The following HMCN1 variants were observed in gnomAD, a reference collection of about 807,000 sequenced individuals.
HMCN1 encodes hemicentin-1.
A neutral mutation model predicts 625.9 loss-of-function variants in HMCN1; 321 were observed. The ratio of observed to expected loss-of-function variants is 0.51; its 90% confidence interval spans 0.47 to 0.56. HMCN1 has a LOEUF of 0.56. HMCN1 is among the 20% of genes least tolerant of loss of function. HMCN1 has a pLI of 0.00. For missense variants in HMCN1, 6,588 were observed against 6,887.3 expected (o/e 0.96, Z 1.54); for synonymous variants, 2,425 against 2,417.6 (o/e 1.00, Z -0.09).
intron 69 of HMCN1, among the ~76,000 whole-genome samples, chr1:186,105,972 G>A (rs2102450596): frequency 6.6e-6 from 1 of 152,294 alleles, no homozygotes; most frequent in Non-Finnish European, 1.5e-5. Flanking sequence ...AACGATGTAA[G>A]TGTTGTTCTT....
At chr1:185,920,015 C>T (rs778993973) in intron 6 of HMCN1, among the ~76,000 whole-genome samples, 33 of 152,220 alleles carry the variant, frequency 2.2e-4, no homozygotes, top group Middle Eastern at 3.4e-3. Context: ...GGAGCTTAGA[C>T]AAGAAAGAGG....
At chr1:186,112,708 C>G in intron 71 of HMCN1, 104 bp from the exon 72 acceptor site, 1 of 1,358,926 alleles carries the variant, frequency 7.4e-7, no homozygotes, top group Non-Finnish European at 1.0e-6. Context: ...TGCTGACAGA[C>G]AGCAGGTCCA....
chr1:186,086,444 C>A (rs1186848441), intron 58 of HMCN1, 37 bp downstream of exon 58: 2 of 1,596,640 alleles, frequency 1.3e-6, no homozygotes, highest in Admixed American at 1.7e-5. Context: ...GCAAAATTTT[C>A]TCATCTTTAT....
chr1:185,753,685 C>T (rs1335816533), intron 1 of HMCN1, among the ~76,000 whole-genome samples: 2 of 152,100 alleles, frequency 1.3e-5, no homozygotes, highest in Non-Finnish European at 2.9e-5. Flanking sequence ...CTACTTTAAA[C>T]ATTTCTTATT....
At chr1:185,814,866 A>G (rs1325390015) in intron 1 of HMCN1, among the ~76,000 whole-genome samples, 3 of 149,132 alleles carry the variant, frequency 2.0e-5, no homozygotes, top group African/African-American at 7.7e-5. Flanking sequence ...TAATTTTTGT[A>G]TTTTTAGTAG....
chr1:186,167,492 A>G (rs1037095328), intron 100 of HMCN1, among the ~76,000 whole-genome samples: 4 of 152,174 alleles, frequency 2.6e-5, no homozygotes, highest in African/African-American at 9.7e-5. Context: ...CTGACACATC[A>G]TTATCACTCA....
intron 103 of HMCN1, among the ~76,000 whole-genome samples, chr1:186,175,300 A>G (rs924117895): frequency 2.6e-5 from 4 of 152,224 alleles, no homozygotes; most frequent in African/African-American, 9.6e-5. Flanking sequence ...AGAATATTCA[A>G]TTGCACTAAA....
At position 186,016,116 on chromosome 1, in the gene HMCN1, A is replaced by T. The variant is rs777249041; in HGVS notation, c.5068A>T (p.Ile1690Leu). Residue 1690 changes from isoleucine to leucine, a missense_variant, in exon 32 of 107, where the codon ATA becomes TTA. Around this residue, in one of 3 missense-constraint regions of HMCN1, gnomAD observed 4,628 missense variants for 4,853.1 expected, o/e 0.95. Coordinates refer to ENST00000271588, the MANE Select transcript of HMCN1 (RefSeq NM_031935.3). Reference protein sequence around the residue: ...VPVKANDNIRIEAGGKKLEIM... With the variant: ...VPVKANDNIRLEAGGKKLEIM... ...TGTGAAAGCTAATGACAATATCCGC[A>T]TAGAAGCTGGTGGGAAGAAACTCGA... 7 of 1,613,500 alleles carry T rather than the reference A, an allele frequency of 4.3e-6. No homozygotes were observed. In the South Asian group the frequency reaches 7.7e-5, roughly 18 times the overall value.
At position 186,152,818 on chromosome 1, in the gene HMCN1, G is replaced by A. The variant is rs769353493; in HGVS notation, c.14965G>A (p.Val4989Ile). Residue 4989 changes from valine (V) to isoleucine (I), a missense_variant, in exon 96 of 107, where the codon GTT becomes ATT. Physicochemically the swap from Val to Ile is conservative, Grantham distance 29 (BLOSUM62 3). Coordinates refer to ENST00000271588, the MANE Select transcript of HMCN1 (RefSeq NM_031935.3). ...CGATGGTTCTTTGCTGCTAGATATC[G>A]TTGTGAGTGGCTATGTCCTACAGCT... ...DSDGSLLLDI[V>I]VSGYVLQLQS... 1.6e-5 allele frequency: 26 copies of A among 1,613,964 alleles called. No homozygotes were observed. In the Admixed American group the frequency reaches 2.3e-4, roughly 14 times the overall value.
At chr1:186,076,685 A>G (rs1658836559) in intron 54 of HMCN1, 63 bp downstream of exon 54, 18 of 1,496,630 alleles carry the variant, frequency 1.2e-5, no homozygotes, top group Middle Eastern at 3.4e-4. Flanking sequence ...CCTCTCATGT[A>G]TTAGACGAAT....
chr1:186,076,010 T>A (rs1658790327), intron 53 of HMCN1, among the ~76,000 whole-genome samples: 1 of 152,206 alleles, frequency 6.6e-6, no homozygotes. Flanking sequence ...TAATCCTGAT[T>A]GCATAATTTC....
At chr1:185,993,741 T>G (rs542689489) in intron 23 of HMCN1, among the ~76,000 whole-genome samples, 2 of 152,310 alleles carry the variant, frequency 1.3e-5, no homozygotes, top group South Asian at 4.1e-4. Flanking sequence ...ACTCTTTGAC[T>G]ACAGCTCCCT....
chr1:186,064,342 G>T (rs1211613261), intron 48 of HMCN1, among the ~76,000 whole-genome samples: 2 of 151,430 alleles, frequency 1.3e-5, no homozygotes, highest in Non-Finnish European at 2.9e-5. Context: ...TCTTCCTAGA[G>T]GCTGTAAATA....
intron 1 of HMCN1, among the ~76,000 whole-genome samples, chr1:185,769,278 T>C (rs55954704): frequency 0.049 from 7,388 of 151,858 alleles, 584 homozygotes; most frequent in African/African-American, 0.16. Context: ...CAGGACTTCA[T>C]CTTTAAAAAA....
chr1:186,070,105 A>G (rs1658392205), intron 51 of HMCN1, among the ~76,000 whole-genome samples: 1 of 152,214 alleles, frequency 6.6e-6, no homozygotes, highest in Admixed American at 6.5e-5. Flanking sequence ...TTAGATGCAT[A>G]TGTTCTAATC....
intron 1 of HMCN1, among the ~76,000 whole-genome samples, chr1:185,744,353 C>T (rs193003936): frequency 6.6e-6 from 1 of 152,150 alleles, no homozygotes; most frequent in African/African-American, 2.4e-5. Context: ...AGTTATATAA[C>T]GACTATAATA....
chr1:186,060,132 C>T (rs2102302963), intron 46 of HMCN1, among the ~76,000 whole-genome samples: 1 of 152,062 alleles, frequency 6.6e-6, no homozygotes, highest in South Asian at 2.1e-4. Context: ...CTTTGTTTGT[C>T]TAAATAAGAT....
Position 186,118,368 on chromosome 1 carries a change from T to C in HMCN1, c.11848+745T>C, listed in dbSNP as rs116444223. ...GAAAATGTGTTCCCAGGATGCAACT[T>C]GGCTTTCAAGACAAATTATTTTGAC... is the stretch of plus-strand genomic sequence containing the variant. On this transcript the variant is annotated intron_variant, in intron 77 of 106. Transcript: ENST00000271588. Among the ~76,000 whole-genome samples the C allele has an allele frequency of 7.1e-3, 1,083 of 152,294 alleles. 13 individuals are homozygous for C. Among genetic ancestry groups the C allele is most frequent in the African/African-American group, 0.024 (1,010 of 41,556 alleles).
Position 186,178,718 on chromosome 1 carries a change from A to G in HMCN1, c.16246A>G (p.Arg5416Gly). ...TCTCTCCAGGACTAGAAGGACTATTAGGAAAACTTGCCCTGAAGGCTCTGA... is the reference window on the plus strand; with the variant it reads ...TCTCTCCAGGACTAGAAGGACTATTGGGAAAACTTGCCCTGAAGGCTCTGA... ...TSLSRTRRTI[R>G]KTCPEGSEAS... Residue 5416 changes from arginine (R) to glycine (G), a missense_variant, in exon 104 of 107, where the codon AGG (arginine) becomes GGG (glycine). Arg to Gly is a moderately radical substitution (Grantham distance 125). Transcript: ENST00000271588. The G allele has an allele frequency of 6.2e-7, 1 of 1,614,152 alleles. No individual in the cohort carries two copies. Among genetic ancestry groups the G allele is most frequent in the Non-Finnish European group, 8.5e-7 (1 of 1,179,972 alleles).
Sources: gnomAD v4.1 joint callset for allele counts (sites outside exome capture counted in the v4.1 genomes callset) on GRCh38, gnomAD v4.1.1 for gene constraint, gnomAD v4.1.1 regional missense constraint, MANE v1.5 for transcripts, NCBI Gene and HGNC (gene_info 2026-07-23, HGNC 2026-07-21) for gene names.